The following NAALAD2 variants were observed in gnomAD, a reference collection of about 807,000 sequenced individuals.
The protein encoded by NAALAD2 is N-acetylated alpha-linked acidic dipeptidase 2.
NAALAD2 carries 89 observed loss-of-function variants against 95.6 expected under a neutral mutation model. The ratio of observed to expected loss-of-function variants is 0.93; its 90% CI spans 0.78 to 1.11. The LOEUF is 1.11. Among genes scored for constraint, NAALAD2 ranks in the 50% least tolerant of loss-of-function variants. The pLI is 0.00. For missense variants in NAALAD2, 894 were observed against 872.4 expected (o/e 1.02, Z -0.31); for synonymous variants, 264 against 294.4 (o/e 0.90, Z 1.06).
chr11:90,190,096 T>G (rs964252696), intron 18 of NAALAD2, among the ~76,000 whole-genome samples: 1 of 152,166 alleles, frequency 6.6e-6, no homozygotes, highest in East Asian at 1.9e-4. Context: ...GCTGCCTGCT[T>G]CTTATCTGAG....
At chr11:90,178,410 G>A (rs983308756) in intron 16 of NAALAD2, among the ~76,000 whole-genome samples, 8 of 152,210 alleles carry the variant, frequency 5.3e-5, no homozygotes, top group Admixed American at 2.0e-4. Flanking sequence ...GGTGGCTCAC[G>A]CCTGTAATCC....
intron 6 of NAALAD2, among the ~76,000 whole-genome samples, chr11:90,156,050 A>T (rs187434544): frequency 6.6e-6 from 1 of 151,536 alleles, no homozygotes; most frequent in East Asian, 1.9e-4. Context: ...TTTTTGTACT[A>T]TTCTTCTGTC....
chr11:90,150,654 T>A (rs764405328), intron 5 of NAALAD2, 47 bp downstream of exon 5: 2 of 1,406,624 alleles, frequency 1.4e-6, no homozygotes, highest in Non-Finnish European at 1.9e-6. Context: ...GATATATATA[T>A]TCTGTAAATG....
Position 90,168,976 on chromosome 11 carries a change from G to A in NAALAD2, c.1326G>A (p.Ser442=). 2 of 1,601,782 alleles carry A rather than the reference G, an allele frequency of 1.2e-6. No individual in the cohort carries two copies. Among genetic ancestry groups the A allele is most frequent in the Non-Finnish European group, 1.7e-6 (2 of 1,175,754 alleles). ...AGAGAAGCATTGCTTATATCAACTC[G>A]GATTCATCTATAGAAGGTAAATTTT... is the stretch of plus-strand genomic sequence containing the variant. ...LQERSIAYIN[S]DSSIEGNYTL... Residue 442 remains serine, a synonymous_variant, in exon 12 of 19, where the codon TCG becomes TCA. Transcript: ENST00000534061.
At chr11:90,144,740 T>TAAAAAAAAAAAAAAAA (rs773275468) in intron 2 of NAALAD2, among the ~76,000 whole-genome samples, 24 of 90,868 alleles carry the variant, frequency 2.6e-4, no homozygotes, top group Non-Finnish European at 3.6e-4. Flanking sequence ...AAAACTCCAT[T>TAAAAAAAAAAAAAAAA]AAAAAAAAAA....
intron 4 of NAALAD2, 31 bp from the exon 5 acceptor site, chr11:90,150,451 C>A: frequency 1.5e-6 from 2 of 1,338,488 alleles, no homozygotes; most frequent in Non-Finnish European, 2.0e-6. Context: ...TTAATTTTAG[C>A]AGTATTATAT....
chr11:90,181,725 T>A, intron 17 of NAALAD2, 24 bp downstream of exon 17: 5 of 1,365,778 alleles, frequency 3.7e-6, no homozygotes, highest in East Asian at 2.4e-5. Context: ...CCCTTTTTTT[T>A]TAAAAAAAAA....
chr11:90,165,925 C>T (rs1374351945), intron 11 of NAALAD2, among the ~76,000 whole-genome samples: 4 of 152,114 alleles, frequency 2.6e-5, no homozygotes, highest in Admixed American at 2.6e-4. Flanking sequence ...AATTTATAAA[C>T]ATGTGCATTA....
At chr11:90,147,025 A>G (rs1472477567) in intron 2 of NAALAD2, among the ~76,000 whole-genome samples, 1 of 152,152 alleles carries the variant, frequency 6.6e-6, no homozygotes, top group Admixed American at 6.5e-5. Flanking sequence ...GCAAAAAGGA[A>G]CATTATTGGT....
Position 90,181,627 on chromosome 11 carries a change from A to G in NAALAD2, c.1866A>G (p.Leu622=). 6.3e-7 allele frequency: 1 copy of G among 1,596,552 alleles called. No individual in the cohort carries two copies. Among genetic ancestry groups the G allele is most frequent in the Non-Finnish European group, 8.6e-7 (1 of 1,169,452 alleles). ...LTDHGVSFDS[L]FSAVKNFSEA... is the part of the protein sequence containing the mutation. ...TTTCTATTTTTAAAAAAGACTCCTT[A>G]TTTTCTGCTGTGAAAAACTTCTCAG... Residue 622 remains leucine, a synonymous_variant, in exon 17 of 19, where the codon TTA becomes TTG. Coordinates refer to ENST00000534061, the MANE Select transcript of NAALAD2 (RefSeq NM_005467.4).
chr11:90,135,990 T>C (rs1272147380), intron 2 of NAALAD2, among the ~76,000 whole-genome samples: 1 of 152,184 alleles, frequency 6.6e-6, no homozygotes, highest in Non-Finnish European at 1.5e-5. Context: ...TTTTCTTAGA[T>C]ACCATATTCT....
At chr11:90,185,951 G>A (rs187230356) in intron 18 of NAALAD2, among the ~76,000 whole-genome samples, 1 of 150,052 alleles carries the variant, frequency 6.7e-6, no homozygotes, top group African/African-American at 2.5e-5. Context: ...CTGGCTCATT[G>A]GCTTTTGATC....
intron 18 of NAALAD2, among the ~76,000 whole-genome samples, chr11:90,187,431 A>C (rs1857187496): frequency 6.6e-6 from 1 of 151,954 alleles, no homozygotes; most frequent in South Asian, 2.1e-4. Context: ...GCTAATTCAT[A>C]TTATTATGTT....
At chr11:90,184,882 G>C (rs569949589) in intron 18 of NAALAD2, among the ~76,000 whole-genome samples, 22 of 152,028 alleles carry the variant, frequency 1.4e-4, no homozygotes, top group African/African-American at 5.1e-4. Flanking sequence ...ATGAATGGTT[G>C]TGTCTGTACT....
intron 13 of NAALAD2, among the ~76,000 whole-genome samples, chr11:90,173,101 T>C (rs1952687595): frequency 6.6e-6 from 1 of 152,162 alleles, no homozygotes; most frequent in African/African-American, 2.4e-5. Context: ...ACCACATGTC[T>C]CTGCTCTTCT....
intron 11 of NAALAD2, chr11:90,163,907 A>G (rs895296919): frequency 8.5e-6 from 4 of 468,914 alleles, no homozygotes; most frequent in Admixed American, 7.7e-5. Flanking sequence ...AAAATAATCA[A>G]AATTAATGAG....
chr11:90,177,816 A>T lies in NAALAD2; in HGVS notation c.1594-37A>T, dbSNP rs181750029. The T allele has an allele frequency of 3.4e-5, 52 of 1,534,688 alleles. No individual in the cohort carries two copies. The East Asian group carries it at 7.4e-4, about 22-fold the overall frequency. On this transcript the variant is annotated intron_variant, in intron 15 of 18. Transcript: ENST00000534061. ...AAAAATATTATAACTTGAATATTTA[A>T]TGTTTATTTATACTTGCCTCTCCAT... is the stretch of plus-strand genomic sequence containing the variant.
chr11:90,176,766 T>A (rs891754331), intron 15 of NAALAD2, among the ~76,000 whole-genome samples: 2 of 152,192 alleles, frequency 1.3e-5, no homozygotes, highest in African/African-American at 4.8e-5. Context: ...TTACAGTACA[T>A]CTAAATCTTG....
chr11:90,172,090 A>G (rs1952658524), intron 13 of NAALAD2, among the ~76,000 whole-genome samples: 2 of 152,320 alleles, frequency 1.3e-5, no homozygotes, highest in South Asian at 2.1e-4. Flanking sequence ...TATGATTCAG[A>G]AAATGAAGAG....
Sources: allele counts gnomAD v4.1 joint callset (sites outside exome capture counted in the v4.1 genomes callset), GRCh38; gene constraint gnomAD v4.1.1; transcripts MANE v1.5; gene names NCBI Gene and HGNC (gene_info 2026-07-23, HGNC 2026-07-21).